Variants in FLI1 observed in about 807,000 individuals in gnomAD.
FLI1 encodes the protein Friend leukemia integration 1 transcription factor.
Under a neutral mutation model 53.1 loss-of-function variants are expected in FLI1, and 13 were observed. The ratio of observed to expected loss-of-function variants is 0.24; its 90% CI spans 0.16 to 0.39. FLI1 has a LOEUF of 0.39. Among genes scored for constraint, FLI1 ranks in the 10% least tolerant of loss-of-function variants. FLI1 has a pLI of 1.00. For missense variants in FLI1, 424 were observed against 600.5 expected, an observed-to-expected ratio of 0.71 and a Z score of 3.07; for synonymous variants, 244 against 236.7, an observed-to-expected ratio of 1.03 and a Z score of -0.28.
chr11:128,758,957 C>T (rs958888115), intron 2 of FLI1, among the ~76,000 whole-genome samples: 5 of 152,224 alleles, frequency 3.3e-5, no homozygotes, highest in Admixed American at 6.5e-5. Flanking sequence ...CTCAGTTTTG[C>T]GTCCTGCCTC....
intron 1 of FLI1, among the ~76,000 whole-genome samples, chr11:128,743,398 A>C (rs1037678055): frequency 3.5e-5 from 5 of 144,314 alleles, no homozygotes; most frequent in African/African-American, 1.3e-4. Flanking sequence ...TGGCAAGACC[A>C]TGTCTCTAAA....
rs562827815 is a variant in FLI1, at chr11:128,705,129, G to A, written c.18+10853G>A. On this transcript the variant is annotated intron_variant, in intron 1 of 8. Coordinates refer to ENST00000527786, the MANE Select transcript of FLI1 (RefSeq NM_002017.5). ...GATACATACATCTCCATATAGTTTA[G>A]GCTACGAGCCCATCTATGGGGACCA... 7.1e-4 allele frequency among the ~76,000 whole-genome samples: 108 copies of A among 152,262 alleles called. No individual in the cohort carries two copies. In the South Asian group the frequency reaches 0.022, roughly 31 times the overall value.
At chr11:128,699,031 A>G (rs963917803) in intron 1 of FLI1, among the ~76,000 whole-genome samples, 16 of 152,312 alleles carry the variant, frequency 1.1e-4, no homozygotes, top group African/African-American at 3.6e-4. Context: ...TCTACAGATC[A>G]TGGGCAGGTA....
chr11:128,740,447 C>T (rs1336648834), intron 1 of FLI1, among the ~76,000 whole-genome samples: 1 of 152,188 alleles, frequency 6.6e-6, no homozygotes, highest in East Asian at 1.9e-4. Flanking sequence ...AGAACGAGAC[C>T]CCATAAATAT....
At chr11:128,781,357 C>A (rs1001612215) in intron 4 of FLI1, among the ~76,000 whole-genome samples, 5 of 152,216 alleles carry the variant, frequency 3.3e-5, no homozygotes, top group Non-Finnish European at 7.3e-5. Context: ...ATACTGGCTT[C>A]TCCTCCAGGC....
At chr11:128,742,883 G>A (rs1343748624) in intron 1 of FLI1, among the ~76,000 whole-genome samples, 1 of 152,214 alleles carries the variant, frequency 6.6e-6, no homozygotes. Flanking sequence ...TGTTATACCT[G>A]AGAGCATTTC....
chr11:128,796,525 A>T (rs753677025), intron 5 of FLI1, among the ~76,000 whole-genome samples: 13 of 152,256 alleles, frequency 8.5e-5, no homozygotes, highest in Non-Finnish European at 1.8e-4. Flanking sequence ...CAGTCTAAAA[A>T]GGAGCCTCTG....
chr11:128,715,046 A>G (rs1350559577), intron 1 of FLI1, among the ~76,000 whole-genome samples: 1 of 152,106 alleles, frequency 6.6e-6, no homozygotes, highest in East Asian at 1.9e-4. Flanking sequence ...CCACAGCCCC[A>G]AGGAATCCAT....
chr11:128,725,552 A>G (rs1397879385), intron 1 of FLI1, among the ~76,000 whole-genome samples: 2 of 152,206 alleles, frequency 1.3e-5, no homozygotes. Context: ...CCTTTCACCA[A>G]CTGAAGCCTG....
At chr11:128,720,021 A>C (rs1193759363) in intron 1 of FLI1, among the ~76,000 whole-genome samples, 1 of 152,246 alleles carries the variant, frequency 6.6e-6, no homozygotes, top group East Asian at 1.9e-4. Context: ...TAAAACGTAT[A>C]GAAAATTTCA....
chr11:128,770,993 G>C (rs917472112), intron 3 of FLI1, among the ~76,000 whole-genome samples: 74 of 152,308 alleles, frequency 4.9e-4, no homozygotes, highest in African/African-American at 1.7e-3. Flanking sequence ...GGGGCTTTGG[G>C]GGAACCCACC....
intron 5 of FLI1, among the ~76,000 whole-genome samples, chr11:128,782,954 A>C (rs1012253688): frequency 6.6e-6 from 1 of 152,224 alleles, no homozygotes; most frequent in South Asian, 2.1e-4. Context: ...AAAAGATGTG[A>C]ACAAATAATT....
chr11:128,697,003 G>A (rs1454114350), intron 1 of FLI1, among the ~76,000 whole-genome samples: 1 of 152,096 alleles, frequency 6.6e-6, no homozygotes, highest in Non-Finnish European at 1.5e-5. Flanking sequence ...TCTTTTCCAA[G>A]AACGGCTCCT....
intron 3 of FLI1, among the ~76,000 whole-genome samples, chr11:128,769,239 T>G (rs1241939156): frequency 6.6e-6 from 1 of 151,864 alleles, no homozygotes; most frequent in Non-Finnish European, 1.5e-5. Context: ...ACAAGAAGGG[T>G]GTTTACAAAC....
At chr11:128,755,809 T>G (rs918905732) in intron 1 of FLI1, among the ~76,000 whole-genome samples, 2 of 152,238 alleles carry the variant, frequency 1.3e-5, no homozygotes, top group African/African-American at 4.8e-5. Context: ...AACTCTGCTT[T>G]GAATGTATGT....
At chr11:128,716,927 T>C (rs1235950919) in intron 1 of FLI1, among the ~76,000 whole-genome samples, 3 of 152,182 alleles carry the variant, frequency 2.0e-5, no homozygotes, top group African/African-American at 7.2e-5. Flanking sequence ...GGCATGCTCG[T>C]CACTGTGGGC....
chr11:128,750,157 TCCAGAGC>T (rs1940581682), intron 1 of FLI1, among the ~76,000 whole-genome samples: 1 of 152,238 alleles, frequency 6.6e-6, no homozygotes. Context: ...AGATTAGCCT[TCCAGAGC>T]CCTGCACTGG....
intron 1 of FLI1, among the ~76,000 whole-genome samples, chr11:128,706,531 G>A (rs570059464): frequency 2.0e-5 from 3 of 152,240 alleles, no homozygotes; most frequent in Admixed American, 6.5e-5. Context: ...GGCCATTGAC[G>A]GAGAGACAAC....
rs948688504 is a variant in FLI1 at position 128,694,843 on chromosome 11, C to T, written c.18+567C>T. On this transcript the variant is annotated intron_variant, in intron 1 of 8. Transcript: ENST00000527786. ...CTGAGCGGGCTCCTCCAGATGGAAG[C>T]CCCTGTTTACATGTCAGCGCTTTCC... is the stretch of plus-strand genomic sequence containing the variant. 1.3e-5 allele frequency among the ~76,000 whole-genome samples: 2 copies of T among 152,150 alleles called. 1 individual carries two copies. Among genetic ancestry groups the T allele is most frequent in the Admixed American group, 1.3e-4 (2 of 15,288 alleles).
Sources: gnomAD v4.1 joint callset for allele counts (sites outside exome capture counted in the v4.1 genomes callset) on GRCh38, gnomAD v4.1.1 for gene constraint, MANE v1.5 for transcripts, NCBI Gene and HGNC (gene_info 2026-07-23, HGNC 2026-07-21) for gene names.